Variants in DCC observed in about 807,000 individuals in gnomAD.
DCC encodes the protein DCC netrin 1 receptor.
Under a neutral mutation model 172.5 loss-of-function variants are expected in DCC, and 58 were observed. The observed-to-expected ratio is 0.34, with a 90% CI of 0.27 to 0.42. The LOEUF (loss-of-function observed/expected upper bound fraction) is 0.42. Ranked by LOEUF, DCC falls within the 10% of genes least tolerant of loss-of-function variation. The pLI, the probability that DCC is intolerant of heterozygous loss-of-function variation, is 1.00. For missense variants in DCC, 1,740 were observed against 1,791.0 expected (o/e 0.97, Z 0.51); for synonymous variants, 709 against 644.5 (o/e 1.10, Z -1.52).
chr18:53,187,842 G>C (rs540839023), intron 9 of DCC, among the ~76,000 whole-genome samples: 1 of 152,300 alleles, frequency 6.6e-6, no homozygotes, highest in Non-Finnish European at 1.5e-5. Context: ...AGGCTATTCT[G>C]CAGGGAGCGG....
chr18:53,227,132 A>G (rs771885531), intron 12 of DCC, among the ~76,000 whole-genome samples: 13 of 150,922 alleles, frequency 8.6e-5, no homozygotes, highest in African/African-American at 2.2e-4. Context: ...TATTTTTAAT[A>G]GAGATGGGTT....
intron 1 of DCC, among the ~76,000 whole-genome samples, chr18:52,692,138 C>G (rs1256256285): frequency 6.6e-6 from 1 of 152,108 alleles, no homozygotes; most frequent in Non-Finnish European, 1.5e-5. Context: ...AGGAGGGAAA[C>G]TTAGGAGGTG....
At chr18:52,778,422 C>T (rs947172269) in intron 2 of DCC, among the ~76,000 whole-genome samples, 2 of 152,002 alleles carry the variant, frequency 1.3e-5, no homozygotes, top group Non-Finnish European at 2.9e-5. Context: ...ACTCTGTGAA[C>T]CGTTAACATT....
intron 1 of DCC, among the ~76,000 whole-genome samples, chr18:52,470,803 G>A (rs370718472): frequency 1.3e-5 from 2 of 152,090 alleles, no homozygotes; most frequent in East Asian, 1.9e-4. Flanking sequence ...TCTTTTTAAC[G>A]CACTTATTGT....
At chr18:52,880,639 C>T (rs2039471250) in intron 2 of DCC, among the ~76,000 whole-genome samples, 1 of 152,170 alleles carries the variant, frequency 6.6e-6, no homozygotes, top group South Asian at 2.1e-4. Flanking sequence ...TGAGTTATTT[C>T]ACTTAACATA....
At chr18:53,448,813 A>T (rs972267312) in intron 22 of DCC, among the ~76,000 whole-genome samples, 2 of 152,238 alleles carry the variant, frequency 1.3e-5, no homozygotes, top group Non-Finnish European at 2.9e-5. Context: ...AGATCATGCC[A>T]GTGCACTCCA....
intron 2 of DCC, among the ~76,000 whole-genome samples, chr18:52,847,668 A>G (rs1035361870): frequency 5.3e-5 from 8 of 152,174 alleles, no homozygotes; most frequent in African/African-American, 1.7e-4. Context: ...AATTGAGACT[A>G]AAAATACAAA....
intron 1 of DCC, among the ~76,000 whole-genome samples, chr18:52,639,158 G>A (rs190244465): frequency 3.3e-5 from 5 of 152,162 alleles, no homozygotes; most frequent in Non-Finnish European, 5.9e-5. Flanking sequence ...ATACAGCAAA[G>A]GCGATGCTAA....
At chr18:52,600,447 C>T (rs1384815517) in intron 1 of DCC, among the ~76,000 whole-genome samples, 1 of 152,102 alleles carries the variant, frequency 6.6e-6, no homozygotes. Context: ...GAAAACACAC[C>T]TAACTTATTT....
rs577213496 is a variant in DCC, at chr18:53,486,922, T to C, written c.3862T>C (p.Ser1288Pro). The change falls in exon 26 of 29, where the codon TCA (serine) becomes CCA (proline). Residue 1288 changes from serine (S) to proline (P), a missense_variant. Transcript: ENST00000442544. ...TLRPVPFPTL[S>P]VDRGFGAGRS... ...CCGGCCTGTGCCATTCCCAACACTC[T>C]CAGTGGACCGAGGTTTCGGAGCAGG... The C allele has an allele frequency of 1.2e-6, 2 of 1,614,162 alleles. No homozygotes were observed. The highest frequency in any genetic ancestry group is 1.1e-5 in the South Asian group (1 of 91,090).
At chr18:53,024,836 T>C (rs1177363454) in intron 5 of DCC, among the ~76,000 whole-genome samples, 1 of 152,156 alleles carries the variant, frequency 6.6e-6, no homozygotes, top group African/African-American at 2.4e-5. Context: ...ATGTCTTTTA[T>C]AGTTAATAGC....
intron 28 of DCC, chr18:53,526,991 GAC>G: frequency 1.9e-6 from 1 of 529,936 alleles, no homozygotes; most frequent in Non-Finnish European, 3.4e-6. Flanking sequence ...GATTCTTAAG[GAC>G]AGTCTTAGAA....
chr18:52,495,468 T>G (rs1302092241), intron 1 of DCC, among the ~76,000 whole-genome samples: 1 of 152,168 alleles, frequency 6.6e-6, no homozygotes, highest in South Asian at 2.1e-4. Context: ...CCCAGCTTTA[T>G]GAAGTTCTTC....
intron 1 of DCC, among the ~76,000 whole-genome samples, chr18:52,661,056 A>G (rs1401952607): frequency 6.6e-6 from 1 of 152,182 alleles, no homozygotes; most frequent in African/African-American, 2.4e-5. Context: ...GAGAGTGATA[A>G]GGATGGCAGG....
intron 27 of DCC, among the ~76,000 whole-genome samples, chr18:53,513,836 C>A (rs529386729): frequency 0.019 from 2,740 of 145,890 alleles, 50 homozygotes; most frequent in African/African-American, 0.048. Flanking sequence ...ACCTACAAAG[C>A]GACTTAGACT....
At chr18:53,057,012 A>G (rs529541124) in intron 5 of DCC, among the ~76,000 whole-genome samples, 10 of 149,342 alleles carry the variant, frequency 6.7e-5, no homozygotes, top group African/African-American at 2.2e-4. Flanking sequence ...TTTAAAATTG[A>G]CCCATATTTA....
At chr18:52,694,272 C>T (rs1262402534) in intron 1 of DCC, among the ~76,000 whole-genome samples, 1 of 152,134 alleles carries the variant, frequency 6.6e-6, no homozygotes, top group Non-Finnish European at 1.5e-5. Context: ...GAAACCATCA[C>T]AGTCCAGTGG....
At position 52,340,392 on chromosome 18, in the gene DCC, C is replaced by T. The variant is rs1983569921; in HGVS notation, c.-396C>T. On this transcript the variant is annotated 5_prime_UTR_variant, in exon 1 of 29. Coordinates refer to ENST00000442544, the MANE Select transcript of DCC (RefSeq NM_005215.4). ...CTCAACCTTTTAATGCACAGCCCGG[C>T]CACAGGATTGCCTTCCATCTCCTCT... 1.1e-5 allele frequency: 3 copies of T among 264,690 alleles called. 1 individual carries two copies. In the South Asian group the frequency reaches 1.6e-4, roughly 14 times the overall value. The allele number at this position is 264,690 out of a possible 1,614,324, so 16.4% of individuals were successfully genotyped here.
At chr18:52,709,646 G>T (rs79242648) in intron 1 of DCC, among the ~76,000 whole-genome samples, 7,016 of 152,106 alleles carry the variant, frequency 0.046, 523 homozygotes, top group African/African-American at 0.16. Flanking sequence ...ATTTTATTTT[G>T]AAATCTCCTA....
Sources: gnomAD v4.1 joint callset for allele counts (sites outside exome capture counted in the v4.1 genomes callset) on GRCh38, gnomAD v4.1.1 for gene constraint, MANE v1.5 for transcripts, NCBI Gene and HGNC (gene_info 2026-07-23, HGNC 2026-07-21) for gene names.